The following UBE3D variants were observed in gnomAD, a reference collection of about 807,000 sequenced individuals.
UBE3D encodes E3 ubiquitin-protein ligase E3D.
A neutral mutation model predicts 49.6 loss-of-function variants in UBE3D; 48 were observed. The ratio of observed to expected loss-of-function variants is 0.97; its 90% CI spans 0.77 to 1.23. The LOEUF is 1.23. Ranked by LOEUF, UBE3D falls within the 50% of genes most tolerant of loss-of-function variation. UBE3D has a pLI of 0.00. For synonymous variants in UBE3D, 189 were observed against 174.2 expected (o/e 1.08, Z -0.67); for missense variants, 452 against 468.4 (o/e 0.96, Z 0.32).
chr6:82,950,382 G>A (rs932525166), intron 9 of UBE3D, among the ~76,000 whole-genome samples: 3 of 152,114 alleles, frequency 2.0e-5, no homozygotes, highest in African/African-American at 7.2e-5. Context: ...GCAAGGAGGT[G>A]GAGAAAAGGG....
chr6:82,986,719 TTA>T (rs570508384), intron 8 of UBE3D, among the ~76,000 whole-genome samples: 4 of 148,108 alleles, frequency 2.7e-5, no homozygotes, highest in Admixed American at 6.8e-5. Flanking sequence ...TATTTATATT[TTA>T]TATATATATC....
intron 8 of UBE3D, among the ~76,000 whole-genome samples, chr6:83,005,012 T>C (rs528847067): frequency 1.3e-4 from 20 of 152,260 alleles, no homozygotes; most frequent in African/African-American, 4.6e-4. Flanking sequence ...TTAAAAACCT[T>C]TGTGCATCAA....
intron 9 of UBE3D, among the ~76,000 whole-genome samples, chr6:82,931,807 G>C (rs757056108): frequency 6.6e-6 from 1 of 152,068 alleles, no homozygotes; most frequent in East Asian, 1.9e-4. Flanking sequence ...CTTTGGACTC[G>C]GATTGGGTTT....
chr6:82,972,409 T>G (rs527577296), intron 8 of UBE3D, among the ~76,000 whole-genome samples: 21 of 152,306 alleles, frequency 1.4e-4, no homozygotes, highest in Non-Finnish European at 2.6e-4. Flanking sequence ...TGACTAAGAA[T>G]TCTGTCCCTC....
At chr6:82,978,197 G>A (rs1392988583) in intron 8 of UBE3D, among the ~76,000 whole-genome samples, 1 of 152,110 alleles carries the variant, frequency 6.6e-6, no homozygotes, top group Admixed American at 6.6e-5. Context: ...AGTGCTCAGT[G>A]AAACAGTTTG....
chr6:83,017,220 C>G lies in UBE3D; in HGVS notation c.1010+1753G>C, dbSNP rs1780756407. ...AACTTTTATTCCTCTAATAACACAG[C>G]TTTAAAATACATAATGTGAAAACTA... is the stretch of plus-strand genomic sequence containing the variant. On this transcript the variant is annotated intron_variant, in intron 8 of 9. Coordinates refer to ENST00000369747, the MANE Select transcript of UBE3D (RefSeq NM_198920.3). 3 of 152,056 alleles carry G rather than the reference C, an allele frequency of 2.0e-5. No homozygotes were observed. In the South Asian group the frequency reaches 6.2e-4, roughly 32 times the overall value. The allele number at this position is 152,056 out of a possible 1,614,324, so 9.4% of individuals were successfully genotyped here. A position where few individuals can be genotyped will look rare whatever the true frequency, so the allele number is the denominator to read the frequency against.
chr6:82,885,892 C>G, the UBE3D span, among the ~76,000 whole-genome samples: 7 of 152,154 alleles, frequency 4.6e-5, no homozygotes, highest in Non-Finnish European at 8.8e-5. Context: ...CTTTCCAAAT[C>G]TTAATAATCA....
intron 9 of UBE3D, among the ~76,000 whole-genome samples, chr6:82,911,450 G>T (rs921675878): frequency 6.6e-6 from 1 of 152,118 alleles, no homozygotes; most frequent in Non-Finnish European, 1.5e-5. Context: ...ACAATAACTG[G>T]TTTTTGTTGT....
At chr6:82,955,754 G>A (rs1474321692) in intron 9 of UBE3D, among the ~76,000 whole-genome samples, 2 of 152,204 alleles carry the variant, frequency 1.3e-5, no homozygotes, top group African/African-American at 2.4e-5. Context: ...GGACCTTAGT[G>A]GGCACTGCAG....
rs138136951 is a variant in UBE3D, at chr6:82,996,268, A to G, written c.1010+22705T>C. ...GTTAGGCAAAGGGACATGAGAGTCAACCCAAGACTCCCAATGGCCAAAGCT... is the reference window on the plus strand; with the variant it reads ...GTTAGGCAAAGGGACATGAGAGTCAGCCCAAGACTCCCAATGGCCAAAGCT... On this transcript the variant is annotated intron_variant, in intron 8 of 9. Coordinates refer to ENST00000369747, the MANE Select transcript of UBE3D (RefSeq NM_198920.3). 1.3e-3 allele frequency among the ~76,000 whole-genome samples: 191 copies of G among 152,224 alleles called. 1 individual carries two copies. The highest frequency in any genetic ancestry group is 4.4e-3 in the African/African-American group (181 of 41,526).
intron 8 of UBE3D, among the ~76,000 whole-genome samples, chr6:83,009,383 TTTTATAAGTACTCA>T (rs2127756791): frequency 6.6e-6 from 1 of 151,898 alleles, no homozygotes; most frequent in South Asian, 2.1e-4. Context: ...CTTTGAGCAC[TTTTATAAGTACTCA>T]TCTAGCTGAG....
At chr6:83,058,642 G>A (rs558534680) in intron 1 of UBE3D, among the ~76,000 whole-genome samples, 1 of 152,350 alleles carries the variant, frequency 6.6e-6, no homozygotes, top group African/African-American at 2.4e-5. Flanking sequence ...AAAGTACCAT[G>A]GCTCCCTCTT....
chr6:83,010,526 C>CCAT (rs1235580816), intron 8 of UBE3D, among the ~76,000 whole-genome samples: 1 of 151,966 alleles, frequency 6.6e-6, no homozygotes, highest in Non-Finnish European at 1.5e-5. Flanking sequence ...GCAATATTAA[C>CCAT]CATCAGGCAA....
intron 8 of UBE3D, among the ~76,000 whole-genome samples, chr6:83,009,263 G>A (rs1780188442): frequency 2.0e-5 from 3 of 152,122 alleles, no homozygotes; most frequent in South Asian, 4.2e-4. Flanking sequence ...ATCCATACAG[G>A]CAGGCTATGG....
At chr6:83,051,670 C>T (rs1442887199) in intron 3 of UBE3D, among the ~76,000 whole-genome samples, 1 of 152,202 alleles carries the variant, frequency 6.6e-6, no homozygotes, top group South Asian at 2.1e-4. Context: ...ACAATGTAAA[C>T]TGAGATCCCC....
chr6:82,956,451 T>G (rs1221497319), intron 9 of UBE3D, among the ~76,000 whole-genome samples: 1 of 152,166 alleles, frequency 6.6e-6, no homozygotes, highest in Non-Finnish European at 1.5e-5. Flanking sequence ...AGTCTACATT[T>G]GCAGAACTGA....
At chr6:83,025,870 G>A (rs1301229701) in intron 5 of UBE3D, among the ~76,000 whole-genome samples, 4 of 127,520 alleles carry the variant, frequency 3.1e-5, no homozygotes, top group Admixed American at 9.3e-5. Flanking sequence ...GCGACAGAAC[G>A]TGACTCCATC....
intron 9 of UBE3D, among the ~76,000 whole-genome samples, chr6:82,948,905 A>T (rs934185523): frequency 1.1e-4 from 17 of 152,242 alleles, no homozygotes; most frequent in African/African-American, 4.1e-4. Context: ...ATAGACCCAT[A>T]GCTAGTATCA....
chr6:82,907,875 G>A lies in UBE3D; in HGVS notation c.1150-14833C>T, dbSNP rs553358070. Among the ~76,000 whole-genome samples the A allele has an allele frequency of 5.0e-4, 76 of 152,158 alleles. 1 individual carries two copies. Among genetic ancestry groups the A allele is most frequent in the African/African-American group, 1.7e-3 (71 of 41,522 alleles). On this transcript the variant is annotated intron_variant, in intron 9 of 9. Transcript: ENST00000369747. Reference sequence around the variant, plus strand: ...AGAGATGAAAACAGGTCCACAAAAAGATTTTACCAGAATATTTACAGCAGC... The same window carrying A: ...AGAGATGAAAACAGGTCCACAAAAAAATTTTACCAGAATATTTACAGCAGC...
Sources: gnomAD v4.1 joint callset for allele counts (sites outside exome capture counted in the v4.1 genomes callset) on GRCh38, gnomAD v4.1.1 for gene constraint, MANE v1.5 for transcripts, NCBI Gene and HGNC (gene_info 2026-07-23, HGNC 2026-07-21) for gene names.